KLHL21: variants seen among roughly 807,000 people sequenced by gnomAD.
The protein encoded by KLHL21 is kelch-like protein 21.
In KLHL21, 42 loss-of-function variants were observed where a neutral mutation model predicts 44.1. The ratio of observed to expected loss-of-function variants is 0.95; its 90% confidence interval spans 0.74 to 1.23. The LOEUF (loss-of-function observed/expected upper bound fraction) is 1.23. Among genes scored for constraint, KLHL21 ranks in the 50% most tolerant of loss-of-function variants. KLHL21 has a pLI of 0.00. For synonymous variants in KLHL21, 524 were observed against 411.6 expected, an observed-to-expected ratio of 1.27 and a Z score of -3.31; for missense variants, 918 against 889.1, an observed-to-expected ratio of 1.03 and a Z score of -0.41.
chr1:6,593,402 C>G lies in KLHL21; in HGVS notation c.1757G>C (p.Arg586Pro), dbSNP rs772932433. 17 of 1,606,434 alleles carry G rather than the reference C, an allele frequency of 1.1e-5. No individual in the cohort carries two copies. The Admixed American group carries it at 2.5e-4, about 24-fold the overall frequency. The change falls in exon 4 of 4, where the codon CGA (arginine) becomes CCA (proline). Residue 586 changes from arginine to proline, a missense_variant. Arg to Pro is a moderately radical substitution (Grantham distance 103). Coordinates refer to ENST00000377658, the MANE Select transcript of KLHL21 (RefSeq NM_014851.4). ...DSGSDDMDPG[R>P]PRPPRDPDEL... ...ATCGGGGTCCCGCGGCGGCCGGGGT[C>G]GGCCTGGGTCCATGTCATCGCTGCC...
Position 6,602,195 on chromosome 1 carries a change from G to C in KLHL21, c.623C>G (p.Ala208Gly), listed in dbSNP as rs529662344. 7 of 1,501,818 alleles carry C rather than the reference G, an allele frequency of 4.7e-6. No homozygotes were observed. The African/African-American group carries it at 8.7e-5, about 19-fold the overall frequency. The allele number at this position is 1,501,818 out of a possible 1,614,324, so 93.0% of individuals were successfully genotyped here. ...GTGCGCGGCGCGGCGCGGCGGGTCA[G>C]CGCGGACCCAGCGCAGCGCCAGCTG... ...AYQLALRWVR[A>G]DPPRRAAHWP... Residue 208 changes from alanine (A) to glycine (G), a missense_variant, in exon 1 of 4, where the codon GCT becomes GGT. Physicochemically the swap from Ala to Gly is moderately conservative, Grantham distance 60. Transcript: ENST00000377658.
At position 6,601,833 on chromosome 1, in the gene KLHL21, T is replaced by C; in HGVS notation, c.985A>G (p.Ser329Gly). Reference sequence around the variant, plus strand: ...ATGTCATTGCCCAGCGCCACGATGCTGTAGCCTCCGCCCAGGTGGTCTGGG... The same window carrying C: ...ATGTCATTGCCCAGCGCCACGATGCCGTAGCCTCCGCCCAGGTGGTCTGGG... ...EFPDHLGGGY[S>G]IVALGNDIYV... The change falls in exon 1 of 4, where the codon AGC becomes GGC. Residue 329 changes from serine to glycine, a missense_variant. Physicochemically the swap from Ser to Gly is moderately conservative, Grantham distance 56 (BLOSUM62 0). Coordinates refer to ENST00000377658, the MANE Select transcript of KLHL21 (RefSeq NM_014851.4). The C allele has an allele frequency of 1.3e-6, 2 of 1,586,280 alleles. No individual in the cohort carries two copies. The highest frequency in any genetic ancestry group is 1.7e-6 in the Non-Finnish European group (2 of 1,167,200).
intron 2 of KLHL21, among the ~76,000 whole-genome samples, chr1:6,597,214 A>G (rs1640939916): frequency 6.6e-6 from 1 of 152,150 alleles, no homozygotes; most frequent in South Asian, 2.1e-4. Context: ...TGGAAAGGTC[A>G]GCAGTGGGTG....
chr1:6,593,876 G>A (rs1031889614), intron 3 of KLHL21: 3 of 1,320,288 alleles, frequency 2.3e-6, no homozygotes, highest in Non-Finnish European at 2.9e-6. Flanking sequence ...GGTGATGAGG[G>A]TGCCCGCTGC....
chr1:6,591,229 G>A lies in KLHL21; in HGVS notation c.*2136C>T. On this transcript the variant is annotated 3_prime_UTR_variant, in exon 4 of 4. Coordinates refer to ENST00000377658, the MANE Select transcript of KLHL21 (RefSeq NM_014851.4). ...CCATACTTGGTCTTCTAAACCCAAA[G>A]ACAGGGTCCTGATGGTGGAGACCTG... 2.6e-6 allele frequency: 1 copy of A among 380,112 alleles called. No individual in the cohort carries two copies. 23.5% of individuals were successfully genotyped at this position (380,112 alleles called of 1,614,324 possible).
intron 2 of KLHL21, among the ~76,000 whole-genome samples, chr1:6,598,482 A>G (rs1640959065): frequency 6.6e-6 from 1 of 151,730 alleles, no homozygotes. Flanking sequence ...AGGCAGGAGA[A>G]TGGCTTGAAC....
At chr1:6,595,118 T>C (rs1640906411) in intron 3 of KLHL21, 2 of 500,790 alleles carry the variant, frequency 4.0e-6, no homozygotes, top group South Asian at 6.2e-5. Flanking sequence ...CATGGGCTGC[T>C]GGTGTATCTA....
At chr1:6,597,887 A>G (rs975562468) in intron 2 of KLHL21, among the ~76,000 whole-genome samples, 2 of 152,238 alleles carry the variant, frequency 1.3e-5, no homozygotes, top group African/African-American at 4.8e-5. Flanking sequence ...GGAGTACAGC[A>G]GGGAGGGGCT....
intron 1 of KLHL21, 152 bp downstream of exon 1, chr1:6,601,645 T>G: frequency 7.9e-7 from 1 of 1,261,370 alleles, no homozygotes; most frequent in Non-Finnish European, 1.0e-6. Flanking sequence ...GTTAAAAGTA[T>G]CGCCCAGAGA....
Position 6,601,891 on chromosome 1 carries a change from C to A in KLHL21, c.927G>T (p.Pro309=), listed in dbSNP as rs200379860. The A allele has an allele frequency of 6.4e-5, 101 of 1,568,546 alleles. No homozygotes were observed. The highest frequency in any genetic ancestry group is 8.5e-5 in the Non-Finnish European group (98 of 1,157,574). The change falls in exon 1 of 4, where the codon CCG becomes CCT. Residue 309 remains proline (P), a synonymous_variant. Transcript: ENST00000377658. ...CCAGGTAGCGCCACTGACCCGTCTGCGGGTTGTAGCAGTCGACAGTGACCA... is the reference window on the plus strand; with the variant it reads ...CCAGGTAGCGCCACTGACCCGTCTGAGGGTTGTAGCAGTCGACAGTGACCA... The part of the protein sequence containing the change: ...DELVTVDCYN[P]QTGQWRYLAE...
In KLHL21 at chr1:6,602,017, G is replaced by A. The variant is rs1299593847; in HGVS notation, c.801C>T (p.Arg267=). 8.5e-6 allele frequency: 13 copies of A among 1,533,424 alleles called. No individual in the cohort carries two copies. The highest frequency in any genetic ancestry group is 2.0e-5 in the Admixed American group (1 of 50,092). The allele number at this position is 1,533,424 out of a possible 1,614,324, so 95.0% of individuals were successfully genotyped here. The change falls in exon 1 of 4, where the codon CGC becomes CGT. Residue 267 remains arginine (R), a synonymous_variant. Coordinates refer to ENST00000377658, the MANE Select transcript of KLHL21 (RefSeq NM_014851.4). The part of the protein sequence containing the change: ...ARDFQAARYD[R]HDRGPCPRMR... ...TTCGGGGACAGGGCCCGCGGTCGTG[G>A]CGGTCGTAGCGCGCCGCCTGGAAGT...
chr1:6,602,125 G>A lies in KLHL21; in HGVS notation c.693C>T (p.Arg231=). 4 of 1,438,904 alleles carry A rather than the reference G, an allele frequency of 2.8e-6. No individual in the cohort carries two copies. Among genetic ancestry groups the A allele is most frequent in the Non-Finnish European group, 3.6e-6 (4 of 1,104,092 alleles). The allele number at this position is 1,438,904 out of a possible 1,614,324, so 89.1% of individuals were successfully genotyped here. A position where few individuals can be genotyped will look rare whatever the true frequency, so the allele number is the denominator to read the frequency against. The change falls in exon 1 of 4, where the codon CGC becomes CGT. Residue 231 remains arginine, a synonymous_variant. Coordinates refer to ENST00000377658, the MANE Select transcript of KLHL21 (RefSeq NM_014851.4). ...CCTCGACGTGCGCCAACAGGTAGAA[G>A]CGGCGCACGAAGGGCAGGCGCACGG... ...LEAVRLPFVR[R]FYLLAHVEAE... is the part of the protein sequence containing the mutation.
In KLHL21 at chr1:6,602,822, C is replaced by T. The variant is rs1180960238; in HGVS notation, c.-5G>A. 4.2e-6 allele frequency: 6 copies of T among 1,430,456 alleles called. No individual in the cohort carries two copies. The highest frequency in any genetic ancestry group is 1.5e-5 in the African/African-American group (1 of 66,314). 88.6% of individuals were successfully genotyped at this position (1,430,456 alleles called of 1,614,324 possible). On this transcript the variant is annotated 5_prime_UTR_variant, in exon 1 of 4. Coordinates refer to ENST00000377658, the MANE Select transcript of KLHL21 (RefSeq NM_014851.4). ...CAGGGGCGCCGGTCGCTCCATGGCG[C>T]CTTCGATAGGTTGTCGAGGACGCCG... is the stretch of plus-strand genomic sequence containing the variant.
chr1:6,602,685 G>A lies in KLHL21; in HGVS notation c.133C>T (p.Arg45Cys), dbSNP rs1390453548. 1 of 1,511,910 alleles carries A rather than the reference G, an allele frequency of 6.6e-7. No individual in the cohort carries two copies. 93.7% of individuals were successfully genotyped at this position (1,511,910 alleles called of 1,614,324 possible). A position where few individuals can be genotyped will look rare whatever the true frequency, so the allele number is the denominator to read the frequency against. ...LDVTLEAAGG[R>C]DFPAHRAVLA... Reference sequence around the variant, plus strand: ...ACCGCACGGTGCGCCGGGAAGTCGCGCCCGCCCGCCGCCTCCAGGGTCACG... The same window carrying A: ...ACCGCACGGTGCGCCGGGAAGTCGCACCCGCCCGCCGCCTCCAGGGTCACG... Residue 45 changes from arginine to cysteine, a missense_variant, in exon 1 of 4, where the codon CGC (arginine) becomes TGC (cysteine). Arg to Cys is a radical substitution (Grantham distance 180). Coordinates refer to ENST00000377658, the MANE Select transcript of KLHL21 (RefSeq NM_014851.4).
chr1:6,595,579 G>A (rs1021378722), intron 2 of KLHL21, 22 bp from the exon 3 acceptor site: 3 of 1,607,252 alleles, frequency 1.9e-6, no homozygotes, highest in Non-Finnish European at 2.6e-6. Flanking sequence ...GCAGCAGGAG[G>A]ACAACTGCTC....
rs1226640754 is a variant in KLHL21 at position 6,599,352 on chromosome 1, G to A, written c.1122C>T (p.Tyr374=). The A allele has an allele frequency of 6.2e-7, 1 of 1,613,732 alleles. No homozygotes were observed. Among genetic ancestry groups the A allele is most frequent in the Non-Finnish European group, 8.5e-7 (1 of 1,180,032 alleles). The change falls in exon 2 of 4, where the codon TAC becomes TAT. Residue 374 remains tyrosine (Y), a synonymous_variant. Transcript: ENST00000377658. ...GTCCGTCCAGCACAGAGGAGCTGTG[G>A]TACTCGCGGGCCTTCAGCATGGGCG... ...EVAPMLKARE[Y]HSSSVLDGLL... is the part of the protein sequence containing the mutation.
At chr1:6,594,350 G>A (rs1640895056) in intron 3 of KLHL21, 1 of 152,396 alleles carries the variant, frequency 6.6e-6, no homozygotes, top group Non-Finnish European at 1.5e-5. Flanking sequence ...CAAGCCCAGA[G>A]AGAAGGGGTG....
At chr1:6,601,759 C>G (rs1289772801) in intron 1 of KLHL21, 38 bp downstream of exon 1, 1 of 1,503,226 alleles carries the variant, frequency 6.7e-7, no homozygotes, top group East Asian at 2.5e-5. Flanking sequence ...CGGCGAGGTT[C>G]AACCCCAGAG....
At position 6,593,527 on chromosome 1, in the gene KLHL21, C is replaced by T; in HGVS notation, c.1632G>A (p.Gly544=). 1.2e-6 allele frequency: 2 copies of T among 1,613,916 alleles called. No individual in the cohort carries two copies. Among genetic ancestry groups the T allele is most frequent in the Non-Finnish European group, 1.7e-6 (2 of 1,180,024 alleles). ...DPETRAWSVV[G]RLPEPTFWHG... ...GCCAGAAGGTGGGTTCTGGGAGCCG[C>T]CCCACCACGCTCCACGCGCGAGTCT... is the stretch of plus-strand genomic sequence containing the variant. The change falls in exon 4 of 4, where the codon GGG becomes GGA. Residue 544 remains glycine, a synonymous_variant. Transcript: ENST00000377658.
Sources: allele counts gnomAD v4.1 joint callset (sites outside exome capture counted in the v4.1 genomes callset), GRCh38; gene constraint gnomAD v4.1.1; transcripts MANE v1.5; gene names NCBI Gene and HGNC (gene_info 2026-07-23, HGNC 2026-07-21).